The following RTKN2 variants were observed in gnomAD, a reference collection of about 807,000 sequenced individuals.
RTKN2 encodes rhotekin 2, also known as rhotekin-2.
A neutral mutation model predicts 71.5 loss-of-function variants in RTKN2; 69 were observed. The ratio of observed to expected loss-of-function variants is 0.96; its 90% CI spans 0.79 to 1.18. The LOEUF is 1.18. Among genes scored for constraint, RTKN2 ranks in the 50% most tolerant of loss-of-function variants. The pLI is 0.00. For missense variants in RTKN2, 724 were observed against 719.7 expected, an observed-to-expected ratio of 1.01 and a Z score of -0.07; for synonymous variants, 236 against 236.5, an observed-to-expected ratio of 1.00 and a Z score of 0.02.
chr10:62,222,674 C>T (rs867624607), intron 7 of RTKN2, among the ~76,000 whole-genome samples: 9 of 152,112 alleles, frequency 5.9e-5, no homozygotes, highest in East Asian at 3.9e-4. Context: ...TTTTTCATCA[C>T]AAGTAAAATA....
chr10:62,268,793 C>T lies in RTKN2; in HGVS notation c.-183G>A. The T allele has an allele frequency of 1.7e-6, 1 of 587,750 alleles. No individual in the cohort carries two copies. The highest frequency in any genetic ancestry group is 2.9e-6 in the Non-Finnish European group (1 of 345,662). 36.4% of individuals were successfully genotyped at this position (587,750 alleles called of 1,614,324 possible). On this transcript the variant is annotated 5_prime_UTR_variant, in exon 1 of 12. Transcript: ENST00000373789. ...CGCAGTGGGCGCGCCTTGCGCTCTG[C>T]AGCTCCCGCCGCCGGAAGTTGCCGA...
chr10:62,211,190 C>A (rs757251503), intron 9 of RTKN2, among the ~76,000 whole-genome samples: 2 of 152,102 alleles, frequency 1.3e-5, no homozygotes, highest in African/African-American at 4.8e-5. Context: ...GTAGGAAATT[C>A]AGTTAAGTAC....
At chr10:62,240,724 G>T (rs1842356856) in intron 4 of RTKN2, among the ~76,000 whole-genome samples, 1 of 151,832 alleles carries the variant, frequency 6.6e-6, no homozygotes, top group South Asian at 2.1e-4. Flanking sequence ...AAAAAAATCA[G>T]ATCAAGCTAA....
At position 62,236,226 on chromosome 10, in the gene RTKN2, C is replaced by G. The variant is rs1417297024; in HGVS notation, c.526G>C (p.Val176Leu). 4 of 1,610,980 alleles carry G rather than the reference C, an allele frequency of 2.5e-6. No homozygotes were observed. The African/African-American group carries it at 4.0e-5, about 16-fold the overall frequency. The part of the protein sequence containing the change: ...AGPDFQIKVE[V>L]YSCCTEESSI... ...GATTCTTCTGTACAGCAACTATACACTTCCACCTTTATCTGAAAGTCTGGC... is the reference window on the plus strand; with the variant it reads ...GATTCTTCTGTACAGCAACTATACAGTTCCACCTTTATCTGAAAGTCTGGC... The change falls in exon 6 of 12, where the codon GTG becomes CTG. Residue 176 changes from valine to leucine, a missense_variant. Val to Leu is a conservative substitution (Grantham distance 32). Coordinates refer to ENST00000373789, the MANE Select transcript of RTKN2 (RefSeq NM_145307.4).
At position 62,197,396 on chromosome 10, in the gene RTKN2, A is replaced by G. The variant is rs1451607458; in HGVS notation, c.*512T>C. ...GGTCAGGCCTATAAACTAGTGAGTTAAACAATAGATGAGAGCCAGTGAACC... is the reference window on the plus strand; with the variant it reads ...GGTCAGGCCTATAAACTAGTGAGTTGAACAATAGATGAGAGCCAGTGAACC... On this transcript the variant is annotated 3_prime_UTR_variant, in exon 12 of 12. Transcript: ENST00000373789. 8 of 986,114 alleles carry G rather than the reference A, an allele frequency of 8.1e-6. No individual in the cohort carries two copies. The East Asian group carries it at 9.1e-4, about 112-fold the overall frequency. 61.1% of individuals were successfully genotyped at this position (986,114 alleles called of 1,614,324 possible).
At chr10:62,233,430 A>T (rs1416850728) in intron 6 of RTKN2, among the ~76,000 whole-genome samples, 1 of 152,182 alleles carries the variant, frequency 6.6e-6, no homozygotes, top group Non-Finnish European at 1.5e-5. Context: ...ATGGTCTTAG[A>T]TCTAAGAGAA....
At chr10:62,260,923 C>T (rs1471058013) in intron 2 of RTKN2, among the ~76,000 whole-genome samples, 1 of 152,058 alleles carries the variant, frequency 6.6e-6, no homozygotes, top group Middle Eastern at 3.2e-3. Flanking sequence ...ACAAAATATC[C>T]TAATAAAAAG....
At chr10:62,207,017 CAAAAT>C (rs1295765426) in intron 9 of RTKN2, among the ~76,000 whole-genome samples, 2 of 151,794 alleles carry the variant, frequency 1.3e-5, no homozygotes, top group Non-Finnish European at 2.9e-5. Context: ...TATTGTGTTA[CAAAAT>C]AAAATAAAAT....
At chr10:62,242,951 C>T (rs924984595) in intron 3 of RTKN2, among the ~76,000 whole-genome samples, 6 of 152,038 alleles carry the variant, frequency 3.9e-5, no homozygotes, top group Admixed American at 3.3e-4. Context: ...TATCTTCAAA[C>T]AGTATTCAAT....
rs775069153 is a variant in RTKN2, at chr10:62,223,222, TA to T, written c.781+15del. 9.0e-5 allele frequency: 126 copies of T among 1,402,768 alleles called. No homozygotes were observed. The East Asian group carries it at 2.8e-3, about 31-fold the overall frequency. The allele number at this position is 1,402,768 out of a possible 1,614,324, so 86.9% of individuals were successfully genotyped here. A position where few individuals can be genotyped will look rare whatever the true frequency, so the allele number is the denominator to read the frequency against. ...GACAGAATATATGTAATAAGTAAAATATATACTGTACTTACCATTTCCATTA... is the reference window on the plus strand; with the variant it reads ...GACAGAATATATGTAATAAGTAAAATTATACTGTACTTACCATTTCCATTA... On this transcript the variant is annotated intron_variant, in intron 7 of 11. Transcript: ENST00000373789.
chr10:62,194,502 G>T lies in RTKN2; in HGVS notation c.*3406C>A, dbSNP rs1841284104. ...ATAATTCACTCTTTAACAAGAAAAT[G>T]AGTTTTGATAAATTCAGACCACAGG... On this transcript the variant is annotated 3_prime_UTR_variant, in exon 12 of 12. Transcript: ENST00000373789. 3.4e-5 allele frequency: 33 copies of T among 983,602 alleles called. No individual in the cohort carries two copies. The highest frequency in any genetic ancestry group is 4.0e-5 in the Non-Finnish European group (33 of 828,410). 60.9% of individuals were successfully genotyped at this position (983,602 alleles called of 1,614,324 possible).
At chr10:62,238,296 A>G (rs2132987636) in intron 5 of RTKN2, 1 of 152,098 alleles carries the variant, frequency 6.6e-6, no homozygotes, top group Non-Finnish European at 1.5e-5. Context: ...AACAAAAAGC[A>G]CATTTTTCAA....
chr10:62,200,257 G>C (rs962488146), intron 10 of RTKN2, among the ~76,000 whole-genome samples: 3 of 151,008 alleles, frequency 2.0e-5, no homozygotes, highest in Non-Finnish European at 2.9e-5. Flanking sequence ...CCGCTACTTG[G>C]GAGGCTGAGG....
At chr10:62,268,484 G>C in intron 1 of RTKN2, 67 bp downstream of exon 1, 1 of 1,439,902 alleles carries the variant, frequency 6.9e-7, no homozygotes, top group Non-Finnish European at 9.6e-7. Flanking sequence ...CCTCCACAAA[G>C]CAAATGCGCG....
At position 62,223,273 on chromosome 10, in the gene RTKN2, C is replaced by G. The variant is rs1841949022; in HGVS notation, c.746G>C (p.Ser249Thr). 1 of 1,610,456 alleles carries G rather than the reference C, an allele frequency of 6.2e-7. No homozygotes were observed. Among genetic ancestry groups the G allele is most frequent in the African/African-American group, 1.3e-5 (1 of 74,958 alleles). ...AATAGACAGATTATGGGTCTTGAAA[C>G]TATCCTCAGCACTTTCCAAGGTTAG... ...TTLTLESAED[S>T]FKTHNLSING... The change falls in exon 7 of 12, where the codon AGT (serine) becomes ACT (threonine). Residue 249 changes from serine to threonine, a missense_variant. Coordinates refer to ENST00000373789, the MANE Select transcript of RTKN2 (RefSeq NM_145307.4).
intron 10 of RTKN2, among the ~76,000 whole-genome samples, chr10:62,203,728 T>C (rs1204062932): frequency 6.6e-6 from 1 of 152,188 alleles, no homozygotes; most frequent in African/African-American, 2.4e-5. Flanking sequence ...CTAGGGATGA[T>C]ACTTAAGGAA....
downstream of RTKN2, among the ~76,000 whole-genome samples, chr10:62,190,112 C>T (rs1841197266): frequency 6.6e-6 from 1 of 152,058 alleles, no homozygotes; most frequent in African/African-American, 2.4e-5. Context: ...GCATTATGCA[C>T]AGAATAATAT....
downstream of RTKN2, among the ~76,000 whole-genome samples, chr10:62,190,031 C>T (rs1255061504): frequency 1.3e-5 from 2 of 151,996 alleles, no homozygotes; most frequent in Non-Finnish European, 2.9e-5. Flanking sequence ...TTTTTTAGTG[C>T]TTTCTGCAGC....
rs775600977 is a variant in RTKN2 at position 62,218,285 on chromosome 10, C to G, written c.798G>C (p.Trp266Cys). Reference sequence around the variant, plus strand: ...AGCACATGTTGCCATACAGGGGAAGCCAAAATGAAGACTCCTCTATTTAAA... The same window carrying G: ...AGCACATGTTGCCATACAGGGGAAGGCAAAATGAAGACTCCTCTATTTAAA... Reference protein sequence around the residue: ...SINGNEESSFWLPLYGNMCCR... With the variant: ...SINGNEESSFCLPLYGNMCCR... Residue 266 changes from tryptophan (W) to cysteine (C), a missense_variant, in exon 8 of 12, where the codon TGG (tryptophan) becomes TGC (cysteine). Coordinates refer to ENST00000373789, the MANE Select transcript of RTKN2 (RefSeq NM_145307.4). 1.9e-6 allele frequency: 3 copies of G among 1,607,952 alleles called. No homozygotes were observed. The East Asian group carries it at 6.7e-5, about 36-fold the overall frequency.
Sources: gnomAD v4.1 joint callset for allele counts (sites outside exome capture counted in the v4.1 genomes callset) on GRCh38, gnomAD v4.1.1 for gene constraint, MANE v1.5 for transcripts, NCBI Gene and HGNC (gene_info 2026-07-23, HGNC 2026-07-21) for gene names.